The following ADD3 variants were observed in gnomAD, a reference collection of about 807,000 sequenced individuals.
The protein encoded by ADD3 is gamma-adducin.
Under a neutral mutation model 80.2 loss-of-function variants are expected in ADD3, and 25 were observed. That is an observed-to-expected ratio of 0.31 (90% CI 0.23 to 0.44). The LOEUF is 0.44. ADD3 is among the 20% of genes least tolerant of loss of function. ADD3 has a pLI of 1.00. For missense variants in ADD3, 829 were observed against 847.5 expected, an observed-to-expected ratio of 0.98 and a Z score of 0.27; for synonymous variants, 284 against 289.6, an observed-to-expected ratio of 0.98 and a Z score of 0.20.
chr10:110,035,772 G>GGTTTGAGACCAA (rs11271748), intron 1 of ADD3, among the ~76,000 whole-genome samples: 20,597 of 151,998 alleles, frequency 0.14, 4,478 homozygotes, highest in African/African-American at 0.46. Flanking sequence ...TGTTACTATT[G>GGTTTGAGACCAA]GTTTGAGACT....
chr10:109,999,852 G>A (rs1322786224), intron 1 of ADD3, among the ~76,000 whole-genome samples: 2 of 150,262 alleles, frequency 1.3e-5, no homozygotes, highest in Non-Finnish European at 3.0e-5. Flanking sequence ...CTGCAATCTA[G>A]TTGTTTCATA....
chr10:110,066,572 T>C (rs1459285113), intron 1 of ADD3, among the ~76,000 whole-genome samples: 1 of 151,600 alleles, frequency 6.6e-6, no homozygotes, highest in African/African-American at 2.4e-5. Flanking sequence ...AAGGGATAGA[T>C]TTTTTTTTCT....
chr10:110,004,728 G>C (rs1366064915), upstream of ADD3, among the ~76,000 whole-genome samples: 1 of 152,086 alleles, frequency 6.6e-6, no homozygotes, highest in Non-Finnish European at 1.5e-5. Flanking sequence ...GCTGTGCAAA[G>C]AAAATTAAAG....
chr10:110,096,223 T>A (rs1318150969), intron 1 of ADD3, among the ~76,000 whole-genome samples: 1 of 152,192 alleles, frequency 6.6e-6, no homozygotes, highest in Non-Finnish European at 1.5e-5. Context: ...CTTAGTGAGC[T>A]CCACATTCGT....
At chr10:110,123,933 C>A (rs1318293242) in intron 9 of ADD3, 84 bp from the exon 10 acceptor site, 3 of 1,369,442 alleles carry the variant, frequency 2.2e-6, no homozygotes, top group East Asian at 4.6e-5. Flanking sequence ...TCTTTTAAAT[C>A]ATTTGTATAC....
chr10:110,117,445 T>C, intron 5 of ADD3, 23 bp downstream of exon 5: 2 of 1,426,830 alleles, frequency 1.4e-6, no homozygotes, highest in Non-Finnish European at 2.0e-6. Flanking sequence ...ATTCCTGTGT[T>C]GCTTTTTCTG....
At chr10:110,035,988 A>G (rs1417709681) in intron 1 of ADD3, among the ~76,000 whole-genome samples, 1 of 152,030 alleles carries the variant, frequency 6.6e-6, no homozygotes, top group Non-Finnish European at 1.5e-5. Context: ...CGTCTCTACT[A>G]AAAATACAAA....
At chr10:110,039,996 A>G (rs1229668624) in intron 1 of ADD3, among the ~76,000 whole-genome samples, 2 of 152,042 alleles carry the variant, frequency 1.3e-5, no homozygotes, top group Non-Finnish European at 2.9e-5. Context: ...AAATAATCTC[A>G]TCTTGTGAAC....
intron 1 of ADD3, among the ~76,000 whole-genome samples, chr10:110,073,771 A>G (rs1167959358): frequency 6.6e-6 from 1 of 152,062 alleles, no homozygotes; most frequent in African/African-American, 2.4e-5. Flanking sequence ...CACTTAACGG[A>G]TGGTTTCAGT....
At chr10:110,104,821 C>T (rs1293450304) in intron 2 of ADD3, among the ~76,000 whole-genome samples, 1 of 152,086 alleles carries the variant, frequency 6.6e-6, no homozygotes, top group Non-Finnish European at 1.5e-5. Context: ...TAAACTGAAA[C>T]TTAGAGACAT....
chr10:110,128,443 T>C (rs1852469389), intron 12 of ADD3, among the ~76,000 whole-genome samples: 4 of 151,970 alleles, frequency 2.6e-5, no homozygotes, highest in Non-Finnish European at 5.9e-5. Context: ...TGAGATGGAG[T>C]CTCGCACTGT....
In ADD3 at chr10:110,073,133, G is replaced by GTTTTTT. The variant is rs1443878675; in HGVS notation, c.-29-27488_-29-27487insTTTTTT. Among the ~76,000 whole-genome samples, 76 of 106,410 alleles carry GTTTTTT rather than the reference G, an allele frequency of 7.1e-4. 1 individual carries two copies. The highest frequency in any genetic ancestry group is 1.1e-3 in the Non-Finnish European group (60 of 53,950). 69.8% of individuals were successfully genotyped at this position (106,410 alleles called of 152,430 possible). Reference sequence around the variant, plus strand: ...ATTTGCTTAACCTCTTTGAGTTTTAGTTTTCTTTTTTTTTTTTTTTTTTTT... The same window carrying GTTTTTT: ...ATTTGCTTAACCTCTTTGAGTTTTAGTTTTTTTTTTCTTTTTTTTTTTTTTTTTTTT... On this transcript the variant is annotated intron_variant, in intron 1 of 14. Coordinates refer to ENST00000356080, the MANE Select transcript of ADD3 (RefSeq NM_016824.5).
At chr10:110,091,986 T>G (rs1008034459) in intron 1 of ADD3, among the ~76,000 whole-genome samples, 15 of 152,146 alleles carry the variant, frequency 9.9e-5, no homozygotes, top group African/African-American at 3.4e-4. Flanking sequence ...TATGGAAAAA[T>G]GCTCAACATC....
At position 110,026,776 on chromosome 10, in the gene ADD3, A is replaced by ATT. The variant is rs199911023; in HGVS notation, c.-30+18490_-30+18491dup. On this transcript the variant is annotated intron_variant, in intron 1 of 14. Coordinates refer to ENST00000356080, the MANE Select transcript of ADD3 (RefSeq NM_016824.5). ...AATATTTCTTTTAAGTTAATGATTG[A>ATT]TTTTTTTTTTTTTTAACTTCTGGTG... 2.2e-3 allele frequency among the ~76,000 whole-genome samples: 321 copies of ATT among 145,750 alleles called. 4 individuals are homozygous for ATT. In the South Asian group the frequency reaches 0.029, roughly 13 times the overall value.
Position 110,100,846 on chromosome 10 carries a change from C to T in ADD3, c.193C>T (p.Pro65Ser). The stretch of plus-strand genomic sequence containing the variant: ...ACGAGTTACTCAGATCCTGCAAAGT[C>T]CTGTGAGTTGAATTAGAAGGCTGTA... ...RKRVTQILQS[P>S]AFREDLECLI... Residue 65 changes from proline to serine, a missense_variant and splice_region_variant, in exon 2 of 15, where the codon CCT (proline) becomes TCT (serine). Physicochemically the swap from Pro to Ser is moderately conservative, Grantham distance 74. Transcript: ENST00000356080. 1 of 1,590,372 alleles carries T rather than the reference C, an allele frequency of 6.3e-7. No individual in the cohort carries two copies. The highest frequency in any genetic ancestry group is 8.5e-7 in the Non-Finnish European group (1 of 1,169,956).
At chr10:110,045,733 A>G (rs967775611) in intron 1 of ADD3, among the ~76,000 whole-genome samples, 1 of 152,234 alleles carries the variant, frequency 6.6e-6, no homozygotes, top group African/African-American at 2.4e-5. Context: ...ACTTACACAC[A>G]CAAACACAGA....
intron 12 of ADD3, among the ~76,000 whole-genome samples, chr10:110,128,333 T>C (rs1161099887): frequency 6.6e-6 from 1 of 151,950 alleles, no homozygotes; most frequent in African/African-American, 2.4e-5. Context: ...GCCATCTCTT[T>C]ATCTTTGTAT....
intron 1 of ADD3, among the ~76,000 whole-genome samples, chr10:110,063,517 G>A (rs939215359): frequency 6.6e-6 from 1 of 151,560 alleles, no homozygotes. Flanking sequence ...CTTTGGTTTT[G>A]TGAGAAAGAG....
chr10:110,087,838 G>A (rs568610837), intron 1 of ADD3, among the ~76,000 whole-genome samples: 4 of 152,258 alleles, frequency 2.6e-5, no homozygotes, highest in South Asian at 2.1e-4. Flanking sequence ...CTGCAATCCC[G>A]GTGGCTAAAA....
Sources: allele counts gnomAD v4.1 joint callset (sites outside exome capture counted in the v4.1 genomes callset), GRCh38; gene constraint gnomAD v4.1.1; transcripts MANE v1.5; gene names NCBI Gene and HGNC (gene_info 2026-07-23, HGNC 2026-07-21).